The following C4BPA variants were observed in gnomAD, a reference collection of about 807,000 sequenced individuals.
C4BPA encodes the protein complement component 4 binding protein alpha, also known as C4b-binding protein alpha chain.
C4BPA carries 31 observed loss-of-function variants against 63.7 expected under a neutral mutation model. The ratio of observed to expected loss-of-function variants is 0.49; its 90% confidence interval spans 0.37 to 0.66. C4BPA has a LOEUF of 0.66. C4BPA is among the 30% of genes least tolerant of loss of function. The probability of loss-of-function intolerance (pLI) is 0.00; values close to 1 mark genes in which losing one functional copy is unlikely to be tolerated. For missense variants in C4BPA, 572 were observed against 723.3 expected (o/e 0.79, Z 2.40); for synonymous variants, 259 against 254.7 (o/e 1.02, Z -0.16).
chr1:207,138,229 G>A (rs1318666516), intron 9 of C4BPA, among the ~76,000 whole-genome samples: 2 of 152,202 alleles, frequency 1.3e-5, no homozygotes, highest in African/African-American at 2.4e-5. Flanking sequence ...TGCCATAGTG[G>A]CTGGGCACAG....
intron 2 of C4BPA, among the ~76,000 whole-genome samples, chr1:207,113,733 G>A (rs560193291): frequency 6.6e-6 from 1 of 152,310 alleles, no homozygotes; most frequent in South Asian, 2.1e-4. Context: ...GAGGCAACTT[G>A]TAGTGACTTC....
At chr1:207,112,830 G>A in intron 1 of C4BPA, 171 bp from the exon 2 acceptor site, 1 of 568,148 alleles carries the variant, frequency 1.8e-6, no homozygotes, top group South Asian at 2.7e-5. Flanking sequence ...CTTCTGCAGA[G>A]GCCAATCCTT....
chr1:207,118,133 ATCTGTCTGTCTGTCTG>A (rs60535065), intron 4 of C4BPA, among the ~76,000 whole-genome samples: 1 of 98,822 alleles, frequency 1.0e-5, no homozygotes, highest in African/African-American at 2.9e-5. Context: ...TCTATCATCT[ATCTGTCTGTCTGTCTG>A]TCTGTCTGTC....
At chr1:207,131,761 AT>A in intron 8 of C4BPA, 21 bp downstream of exon 8, 1 of 1,510,552 alleles carries the variant, frequency 6.6e-7, no homozygotes, top group Non-Finnish European at 9.1e-7. Context: ...GTTTTTTAAT[AT>A]TTTTGTATAT....
Position 207,144,754 on chromosome 1 carries a change from G to A in C4BPA, c.*37G>A. 2 of 1,505,298 alleles carry A rather than the reference G, an allele frequency of 1.3e-6. No individual in the cohort carries two copies. Among genetic ancestry groups the A allele is most frequent in the Non-Finnish European group, 1.8e-6 (2 of 1,105,824 alleles). The allele number at this position is 1,505,298 out of a possible 1,614,324, so 93.2% of individuals were successfully genotyped here. A position where few individuals can be genotyped will look rare whatever the true frequency, so the allele number is the denominator to read the frequency against. On this transcript the variant is annotated 3_prime_UTR_variant, in exon 12 of 12. Coordinates refer to ENST00000367070, the MANE Select transcript of C4BPA (RefSeq NM_000715.4). ...AGAAGGAGGAAAAGGTGTCTTGCTG[G>A]CTTGCCTCTTGCAATTCAATACAGA... is the stretch of plus-strand genomic sequence containing the variant.
rs752431060 is a variant in C4BPA at position 207,115,554 on chromosome 1, T to C, written c.428+39T>C. ...AATCTATGAACAATTCTTTTATATT[T>C]ATTTAAAAAATAGCTGAAGTGTTCG... On this transcript the variant is annotated intron_variant, in intron 4 of 11. Coordinates refer to ENST00000367070, the MANE Select transcript of C4BPA (RefSeq NM_000715.4). 17 of 1,057,498 alleles carry C rather than the reference T, an allele frequency of 1.6e-5. 1 individual carries two copies. The South Asian group carries it at 2.3e-4, about 14-fold the overall frequency. 65.5% of individuals were successfully genotyped at this position (1,057,498 alleles called of 1,614,324 possible).
At chr1:207,123,753 C>T (rs1440671159) in intron 4 of C4BPA, among the ~76,000 whole-genome samples, 169 bp from the exon 5 acceptor site, 1 of 152,164 alleles carries the variant, frequency 6.6e-6, no homozygotes, top group African/African-American at 2.4e-5. Context: ...ACACGCATCT[C>T]ATTGCAGTAA....
intron 11 of C4BPA, 150 bp downstream of exon 11, chr1:207,144,143 T>A: frequency 1.6e-6 from 1 of 614,998 alleles, no homozygotes; most frequent in Non-Finnish European, 2.7e-6. Context: ...CTTTTTGTCT[T>A]GAAGCATTCT....
At chr1:207,113,208 G>A (rs1309496399) in intron 2 of C4BPA, 41 bp downstream of exon 2, 2 of 1,595,368 alleles carry the variant, frequency 1.3e-6, no homozygotes, top group African/African-American at 2.7e-5. Flanking sequence ...AACAAACAAT[G>A]AAGATCATCT....
intron 4 of C4BPA, among the ~76,000 whole-genome samples, chr1:207,121,307 T>C (rs1684917494): frequency 1.3e-5 from 2 of 152,194 alleles, no homozygotes; most frequent in Non-Finnish European, 2.9e-5. Context: ...TGCTGCTACA[T>C]ACATATTTTG....
intron 8 of C4BPA, among the ~76,000 whole-genome samples, 184 bp from the exon 9 acceptor site, chr1:207,134,220 G>C (rs540514995): frequency 6.6e-5 from 10 of 152,096 alleles, no homozygotes; most frequent in Non-Finnish European, 1.0e-4. Flanking sequence ...GGAAATAACT[G>C]GATTAGAGGA....
At position 207,141,171 on chromosome 1, in the gene C4BPA, A is replaced by T. The variant is rs777324209; in HGVS notation, c.1339A>T (p.Lys447Ter). 3.7e-6 allele frequency: 6 copies of T among 1,613,600 alleles called. No homozygotes were observed. Among genetic ancestry groups the T allele is most frequent in the African/African-American group, 1.3e-5 (1 of 74,892 alleles). ...YKQSSSYSFF[K>*]EEIIYECDKG... Reference sequence around the variant, plus strand: ...ACAATCTAGTTCATACAGCTTTTTCAAAGAAGAGATTATATATGAATGTGA... The same window carrying T: ...ACAATCTAGTTCATACAGCTTTTTCTAAGAAGAGATTATATATGAATGTGA... The change falls in exon 10 of 12, where the codon AAA becomes TAA. Residue 447 changes from lysine (K) to a stop codon, truncating the protein, a stop_gained. Transcript: ENST00000367070. LOFTEE classifies it high-confidence loss of function.
chr1:207,114,389 C>A, intron 3 of C4BPA, 104 bp downstream of exon 3: 1 of 795,462 alleles, frequency 1.3e-6, no homozygotes, highest in Non-Finnish European at 1.9e-6. Context: ...GACAGTTTGT[C>A]AATTACTGAT....
intron 10 of C4BPA, among the ~76,000 whole-genome samples, chr1:207,142,782 T>G (rs1237047924): frequency 6.6e-6 from 1 of 152,210 alleles, no homozygotes; most frequent in Non-Finnish European, 1.5e-5. Flanking sequence ...GTTACCTCGT[T>G]AGTTGGGATT....
At chr1:207,128,427 T>G (rs1488468704) in intron 7 of C4BPA, among the ~76,000 whole-genome samples, 8 of 152,210 alleles carry the variant, frequency 5.3e-5, no homozygotes, top group Non-Finnish European at 8.8e-5. Context: ...AGGGCAGATT[T>G]GGAGCAAGCT....
In C4BPA at chr1:207,126,713, AAATC is replaced by A. The variant is rs1685051779; in HGVS notation, c.709_712del (p.Ile237ProfsTer41). 6.2e-7 allele frequency: 1 copy of A among 1,605,470 alleles called. No individual in the cohort carries two copies. The highest frequency in any genetic ancestry group is 8.5e-7 in the Non-Finnish European group (1 of 1,174,824). The stretch of plus-strand genomic sequence containing the variant: ...CTTGTCTTTTCTCATGATTCTTTAG[AAATC>A]ACCTGTCGCAAGCCAGATGTTTCAC... On this transcript the variant is annotated frameshift_variant and splice_region_variant, in exon 7 of 12. Transcript: ENST00000367070. LOFTEE classifies it high-confidence loss of function.
intron 9 of C4BPA, among the ~76,000 whole-genome samples, chr1:207,136,134 T>C (rs1685274962): frequency 1.3e-5 from 2 of 152,210 alleles, no homozygotes; most frequent in Admixed American, 1.3e-4. Context: ...GGTATCATAC[T>C]AGGGACTTAG....
intron 1 of C4BPA, among the ~76,000 whole-genome samples, chr1:207,106,525 C>T (rs995311722): frequency 2.0e-5 from 3 of 150,332 alleles, no homozygotes; most frequent in South Asian, 2.1e-4. Context: ...CTGCAAGCTC[C>T]GTCTCCCGGG....
intron 9 of C4BPA, among the ~76,000 whole-genome samples, chr1:207,135,624 A>G (rs937007695): frequency 6.6e-6 from 1 of 152,176 alleles, no homozygotes; most frequent in Admixed American, 6.5e-5. Context: ...GGGGCCACTC[A>G]TGCTTCCATC....
Sources: gnomAD v4.1 joint callset for allele counts (sites outside exome capture counted in the v4.1 genomes callset) on GRCh38, gnomAD v4.1.1 for gene constraint, MANE v1.5 for transcripts, NCBI Gene and HGNC (gene_info 2026-07-23, HGNC 2026-07-21) for gene names.